ABCB4: variants seen among roughly 807,000 people sequenced by gnomAD.
ABCB4 encodes the protein ATP binding cassette subfamily B member 4.
In ABCB4, 76 loss-of-function variants were observed where a neutral mutation model predicts 145.7. That is an observed-to-expected ratio of 0.52 (90% CI 0.43 to 0.63). The LOEUF (loss-of-function observed/expected upper bound fraction) is 0.63. Among genes scored for constraint, ABCB4 ranks in the 30% least tolerant of loss-of-function variants. The probability of loss-of-function intolerance (pLI) is 0.00; values close to 1 mark genes in which losing one functional copy is unlikely to be tolerated. For synonymous variants in ABCB4, 517 were observed against 566.8 expected (o/e 0.91, Z 1.25); for missense variants, 1,234 against 1,553.1 (o/e 0.79, Z 3.45).
intron 21 of ABCB4, 39 bp downstream of exon 21, chr7:87,417,273 A>G: frequency 1.3e-6 from 2 of 1,592,446 alleles, no homozygotes; most frequent in Non-Finnish European, 1.7e-6. Context: ...CATGTCTAAA[A>G]ACAACACTTA....
chr7:87,439,937 A>G, intron 13 of ABCB4, 100 bp from the exon 14 acceptor site: 2 of 1,502,604 alleles, frequency 1.3e-6, no homozygotes, highest in Non-Finnish European at 1.8e-6. Flanking sequence ...CTTTGTCTTA[A>G]CTATTTTAAT....
At chr7:87,394,925 C>A in the ABCB4 span, among the ~76,000 whole-genome samples, 3 of 151,874 alleles carry the variant, frequency 2.0e-5, no homozygotes, top group African/African-American at 7.3e-5. Context: ...TCAAGAAAAT[C>A]ACTGAGGACA....
At chr7:87,414,427 G>A (rs1032409519) in intron 21 of ABCB4, among the ~76,000 whole-genome samples, 1 of 152,178 alleles carries the variant, frequency 6.6e-6, no homozygotes, top group African/African-American at 2.4e-5. Context: ...TAGAGCCTGT[G>A]GCTGTAAGAG....
the ABCB4 span, chr7:87,382,476 A>G: frequency 6.2e-7 from 1 of 1,613,858 alleles, no homozygotes. Context: ...AACCAAGAAC[A>G]AGATGCTTCA....
intron 3 of ABCB4, among the ~76,000 whole-genome samples, chr7:87,463,918 C>T (rs577611995): frequency 6.6e-6 from 1 of 152,276 alleles, no homozygotes; most frequent in Non-Finnish European, 1.5e-5. Flanking sequence ...TTTGATTGAC[C>T]CATTTATGGC....
chr7:87,377,392 G>A, the ABCB4 span: 2 of 1,611,870 alleles, frequency 1.2e-6, no homozygotes, highest in Admixed American at 1.7e-5. Flanking sequence ...GTACGCTGGG[G>A]TGACAAATCC....
chr7:87,467,618 A>C (rs1246000296), intron 3 of ABCB4, among the ~76,000 whole-genome samples: 1 of 152,198 alleles, frequency 6.6e-6, no homozygotes, highest in Non-Finnish European at 1.5e-5. Flanking sequence ...CACTGCACTT[A>C]CTCCAAAATT....
intron 4 of ABCB4, among the ~76,000 whole-genome samples, chr7:87,456,466 G>A (rs1340077721): frequency 6.6e-6 from 1 of 152,032 alleles, no homozygotes; most frequent in East Asian, 1.9e-4. Flanking sequence ...TTGTTAAAGA[G>A]AGCCTGGCCT....
chr7:87,423,852 A>G (rs1029690706), intron 17 of ABCB4, 54 bp downstream of exon 17: 1 of 1,609,752 alleles, frequency 6.2e-7, no homozygotes, highest in African/African-American at 1.3e-5. Flanking sequence ...TGGGAGAAGC[A>G]GCAGCTGATG....
At chr7:87,436,030 T>G (rs1387027972) in intron 14 of ABCB4, among the ~76,000 whole-genome samples, 1 of 152,210 alleles carries the variant, frequency 6.6e-6, no homozygotes, top group African/African-American at 2.4e-5. Context: ...TTAATGAACC[T>G]GTACATCTGG....
intron 7 of ABCB4, 120 bp from the exon 8 acceptor site, chr7:87,450,212 A>C: frequency 7.4e-7 from 1 of 1,342,656 alleles, no homozygotes; most frequent in Non-Finnish European, 1.0e-6. Context: ...TATTAAAGTC[A>C]TGTAGCAAAT....
At chr7:87,430,828 G>A (rs2116602403) in intron 15 of ABCB4, among the ~76,000 whole-genome samples, 1 of 152,172 alleles carries the variant, frequency 6.6e-6, no homozygotes, top group Middle Eastern at 3.4e-3. Flanking sequence ...CACCTGGCCT[G>A]CTTTTTCCTT....
intron 14 of ABCB4, among the ~76,000 whole-genome samples, chr7:87,437,802 C>G (rs1390151131): frequency 6.6e-6 from 1 of 152,172 alleles, no homozygotes; most frequent in East Asian, 1.9e-4. Context: ...GTGCTCTTAA[C>G]CATCACCCTA....
At chr7:87,447,368 C>A (rs1301333145) in intron 8 of ABCB4, among the ~76,000 whole-genome samples, 163 bp from the exon 9 acceptor site, 2 of 152,204 alleles carry the variant, frequency 1.3e-5, no homozygotes, top group Non-Finnish European at 2.9e-5. Context: ...AATTCAGGAT[C>A]AGCCAGGCCT....
chr7:87,459,835 A>G (rs1812333818), intron 4 of ABCB4, among the ~76,000 whole-genome samples: 1 of 152,204 alleles, frequency 6.6e-6, no homozygotes, highest in Non-Finnish European at 1.5e-5. Context: ...GCTAGACCAT[A>G]CATGAACAGA....
chr7:87,443,333 G>A lies in ABCB4; in HGVS notation c.1342C>T (p.Pro448Ser). ...TTCCCACTTACTGTGCCCTCATCAG[G>A]GTCATAGAGCCTCTGTATCAGCTGG... Reference protein sequence around the residue: ...TVQLIQRLYDPDEGTINIDGQ... With the variant: ...TVQLIQRLYDSDEGTINIDGQ... Residue 448 changes from proline (P) to serine (S), a missense_variant, in exon 12 of 28, where the codon CCT becomes TCT. Physicochemically the swap from Pro to Ser is moderately conservative, Grantham distance 74. Coordinates refer to ENST00000649586, the MANE Select transcript of ABCB4 (RefSeq NM_000443.4). 1 of 1,613,934 alleles carries A rather than the reference G, an allele frequency of 6.2e-7. No individual in the cohort carries two copies. Among genetic ancestry groups the A allele is most frequent in the African/African-American group, 1.3e-5 (1 of 74,978 alleles).
the ABCB4 span, chr7:87,391,461 A>G: frequency 3.6e-6 from 3 of 828,366 alleles, no homozygotes; most frequent in Non-Finnish European, 5.3e-6. Flanking sequence ...TTTTGTTGAA[A>G]GTCTCCAACC....
intron 3 of ABCB4, among the ~76,000 whole-genome samples, chr7:87,466,788 C>T (rs1812935957): frequency 6.6e-6 from 1 of 152,182 alleles, no homozygotes; most frequent in Non-Finnish European, 1.5e-5. Context: ...AATTTCACAT[C>T]CAGCCAAACT....
At chr7:87,465,796 G>C (rs6971733) in intron 3 of ABCB4, among the ~76,000 whole-genome samples, 1 of 152,258 alleles carries the variant, frequency 6.6e-6, no homozygotes, top group Non-Finnish European at 1.5e-5. Flanking sequence ...ACAGGGTCTG[G>C]AGTGGACCTC....
Sources: allele counts gnomAD v4.1 joint callset (sites outside exome capture counted in the v4.1 genomes callset), GRCh38; gene constraint gnomAD v4.1.1; transcripts MANE v1.5; gene names NCBI Gene and HGNC (gene_info 2026-07-23, HGNC 2026-07-21).